Variants in ASF1A observed in about 807,000 individuals in gnomAD.
The protein encoded by ASF1A is histone chaperone ASF1A.
Under a neutral mutation model 22.0 loss-of-function variants are expected in ASF1A, and 5 were observed. The observed-to-expected ratio is 0.23, with a 90% CI of 0.12 to 0.48. ASF1A has a LOEUF of 0.48. ASF1A is among the 20% of genes least tolerant of loss of function. The pLI is 0.99. For synonymous variants in ASF1A, 97 were observed against 86.7 expected (o/e 1.12, Z -0.66); for missense variants, 137 against 240.6 (o/e 0.57, Z 2.85).
chr6:118,906,325 G>T (rs1225211675), intron 3 of ASF1A, among the ~76,000 whole-genome samples: 1 of 152,064 alleles, frequency 6.6e-6, no homozygotes, highest in East Asian at 1.9e-4. Context: ...TGCCTACCTT[G>T]ACCTCCCAAA....
chr6:118,897,976 C>A (rs6900809), intron 1 of ASF1A, among the ~76,000 whole-genome samples: 1,578 of 152,332 alleles, frequency 0.01, 30 homozygotes, highest in African/African-American at 0.036. Context: ...AGGCTAGATT[C>A]TCTCTCCATC....
At chr6:118,898,456 G>A (rs890513315) in intron 1 of ASF1A, among the ~76,000 whole-genome samples, 3 of 140,240 alleles carry the variant, frequency 2.1e-5, no homozygotes, top group East Asian at 4.1e-4. Context: ...AGACAATCTC[G>A]TTCCATTGCC....
At chr6:118,901,152 CAG>C (rs1300947469) in intron 2 of ASF1A, 6 of 250,196 alleles carry the variant, frequency 2.4e-5, no homozygotes, top group Non-Finnish European at 4.6e-5. Flanking sequence ...TCATGGCACA[CAG>C]GGTGGTGAAT....
At chr6:118,904,267 GCTGA>G (rs1263693147) in intron 2 of ASF1A, among the ~76,000 whole-genome samples, 1 of 152,170 alleles carries the variant, frequency 6.6e-6, no homozygotes, top group African/African-American at 2.4e-5. Flanking sequence ...AGGGAGTGAA[GCTGA>G]CTGAGGTTTT....
At chr6:118,905,565 T>TCCCC in intron 2 of ASF1A, 87 bp from the exon 3 acceptor site, 1 of 1,030,270 alleles carries the variant, frequency 9.7e-7, no homozygotes, top group Non-Finnish European at 1.4e-6. Context: ...CCTCAACTGA[T>TCCCC]GGTTCTAGGT....
At chr6:118,894,706 C>T (rs1338216228) in intron 1 of ASF1A, among the ~76,000 whole-genome samples, 184 bp downstream of exon 1, 3 of 152,192 alleles carry the variant, frequency 2.0e-5, no homozygotes, top group Admixed American at 6.5e-5. Flanking sequence ...CCGCCGCAGC[C>T]CAGGCGCCTG....
intron 1 of ASF1A, among the ~76,000 whole-genome samples, chr6:118,898,857 C>CT (rs970137463): frequency 3.3e-4 from 50 of 152,194 alleles, no homozygotes; most frequent in African/African-American, 1.0e-3. Context: ...AATTTGTCCT[C>CT]TTATCTTTGG....
At position 118,905,839 on chromosome 6, in the gene ASF1A, T is replaced by C. The variant is rs1562432473; in HGVS notation, c.402+11T>C. ...CCAGACTTTTCTAAGGTAATGTTCT[T>C]ACTATTCCTTTTTAACTACTTTTAC... On this transcript the variant is annotated intron_variant, in intron 3 of 3. Coordinates refer to ENST00000229595, the MANE Select transcript of ASF1A (RefSeq NM_014034.3). 1.3e-6 allele frequency: 2 copies of C among 1,556,074 alleles called. No individual in the cohort carries two copies. Among genetic ancestry groups the C allele is most frequent in the Admixed American group, 3.8e-5 (2 of 53,194 alleles).
chr6:118,905,262 A>G (rs565320391), intron 2 of ASF1A, among the ~76,000 whole-genome samples: 3 of 152,362 alleles, frequency 2.0e-5, no homozygotes, highest in Non-Finnish European at 2.9e-5. Context: ...CCAACAGTCT[A>G]TGAGGAGATC....
intron 3 of ASF1A, among the ~76,000 whole-genome samples, chr6:118,906,141 C>T (rs1470754588): frequency 4.6e-5 from 7 of 152,144 alleles, no homozygotes; most frequent in African/African-American, 7.2e-5. Flanking sequence ...GGCATGATCT[C>T]GGCTCACTGC....
intron 2 of ASF1A, among the ~76,000 whole-genome samples, chr6:118,901,374 T>C (rs565748290): frequency 1.7e-4 from 26 of 152,352 alleles, no homozygotes; most frequent in African/African-American, 5.8e-4. Flanking sequence ...GGTTAACAGA[T>C]ACGTTTAGTG....
chr6:118,903,969 T>G (rs1317226387), intron 2 of ASF1A, among the ~76,000 whole-genome samples: 3 of 152,110 alleles, frequency 2.0e-5, no homozygotes, highest in African/African-American at 7.3e-5. Context: ...GAGGTATGAA[T>G]GGAGATATTG....
chr6:118,897,631 TTCAC>T (rs982840865), intron 1 of ASF1A, among the ~76,000 whole-genome samples: 2 of 152,118 alleles, frequency 1.3e-5, no homozygotes, highest in East Asian at 1.9e-4. Context: ...ACTTCCCTCA[TTCAC>T]TCACTCTTTC....
intron 3 of ASF1A, among the ~76,000 whole-genome samples, chr6:118,906,128 A>G (rs1780162442): frequency 6.6e-6 from 1 of 152,196 alleles, no homozygotes; most frequent in Admixed American, 6.5e-5. Context: ...GCTGGAGCGC[A>G]GTGGCATGAT....
chr6:118,902,443 C>T (rs6930200), intron 2 of ASF1A, among the ~76,000 whole-genome samples: 1,577 of 151,906 alleles, frequency 0.01, 29 homozygotes, highest in African/African-American at 0.036. Context: ...AGGACTTGCT[C>T]TGACCCACAG....
intron 1 of ASF1A, among the ~76,000 whole-genome samples, chr6:118,898,066 A>T (rs934740140): frequency 1.3e-5 from 2 of 152,192 alleles, no homozygotes; most frequent in Non-Finnish European, 2.9e-5. Flanking sequence ...TTATCTTCCC[A>T]GTTAGGTTTT....
Position 118,905,531 on chromosome 6 carries a change from AT to A in ASF1A, c.226-118del. Reference sequence around the variant, plus strand: ...AATGAGCATTTTCCTTCCCAGTATGATTTCCAAGTTTTTCTTGTTGCATCCT... The same window carrying A: ...AATGAGCATTTTCCTTCCCAGTATGATTCCAAGTTTTTCTTGTTGCATCCT... On this transcript the variant is annotated intron_variant, in intron 2 of 3. Transcript: ENST00000229595. 4.4e-6 allele frequency: 3 copies of A among 684,898 alleles called. No homozygotes were observed. In the South Asian group the frequency reaches 8.3e-5, roughly 19 times the overall value. The allele number at this position is 684,898 out of a possible 1,614,324, so 42.4% of individuals were successfully genotyped here.
intron 1 of ASF1A, among the ~76,000 whole-genome samples, chr6:118,897,087 C>CCCCT (rs2114499480): frequency 6.6e-6 from 1 of 152,290 alleles, no homozygotes; most frequent in East Asian, 1.9e-4. Context: ...AGTCCTCCCA[C>CCCCT]CCCTGCCTCC....
intron 2 of ASF1A, among the ~76,000 whole-genome samples, chr6:118,903,876 C>T (rs988766430): frequency 4.6e-5 from 7 of 152,082 alleles, no homozygotes; most frequent in African/African-American, 1.4e-4. Context: ...CGTGAGCCAC[C>T]GTGCTCAGAG....
Sources: allele counts gnomAD v4.1 joint callset (sites outside exome capture counted in the v4.1 genomes callset), GRCh38; gene constraint gnomAD v4.1.1; transcripts MANE v1.5; gene names NCBI Gene and HGNC (gene_info 2026-07-23, HGNC 2026-07-21).